CIMAP2: variants seen among roughly 807,000 people sequenced by gnomAD.
CIMAP2 encodes the protein ciliary microtubule-associated protein 2.
the CIMAP2 span, among the ~76,000 whole-genome samples, chr1:54,840,236 T>TGTAG: frequency 6.6e-6 from 1 of 152,246 alleles, no homozygotes; most frequent in African/African-American, 2.4e-5. Context: ...ATCATCTGTA[T>TGTAG]GTAGAATTTT....
At chr1:54,841,326 A>G in the CIMAP2 span, among the ~76,000 whole-genome samples, 1 of 152,212 alleles carries the variant, frequency 6.6e-6, no homozygotes, top group African/African-American at 2.4e-5. Context: ...GCCATCTTCC[A>G]AAGGGCTCAC....
the CIMAP2 span, among the ~76,000 whole-genome samples, chr1:54,837,466 C>T: frequency 2.6e-5 from 4 of 152,152 alleles, no homozygotes; most frequent in Non-Finnish European, 5.9e-5. Flanking sequence ...AAGCCTGTCT[C>T]ACAGGCCAGG....
chr1:54,829,396 AC>A, the CIMAP2 span, among the ~76,000 whole-genome samples: 1 of 152,164 alleles, frequency 6.6e-6, no homozygotes, highest in Non-Finnish European at 1.5e-5. Context: ...TGGGTGTCAG[AC>A]TGTTAGGCTG....
the CIMAP2 span, among the ~76,000 whole-genome samples, chr1:54,833,401 C>T: frequency 3.3e-5 from 5 of 152,170 alleles, no homozygotes; most frequent in Admixed American, 1.3e-4. Context: ...TCAACCAGTG[C>T]GCTGCCTTTG....
At chr1:54,814,870 T>G in the CIMAP2 span, 1 of 1,612,304 alleles carries the variant, frequency 6.2e-7, no homozygotes, top group South Asian at 1.1e-5. Context: ...AGGCTGACAC[T>G]GCCAGAGCCT....
At chr1:54,811,678 AC>A in the CIMAP2 span, 3 of 1,175,904 alleles carry the variant, frequency 2.6e-6, no homozygotes, top group Admixed American at 1.9e-5. Context: ...GCAAGCGGAC[AC>A]CCTGAAAATC....
At chr1:54,818,741 A>G in the CIMAP2 span, among the ~76,000 whole-genome samples, 1 of 144,870 alleles carries the variant, frequency 6.9e-6, no homozygotes, top group Non-Finnish European at 1.5e-5. Context: ...ACAAGCATGC[A>G]CCACCACACC....
the CIMAP2 span, among the ~76,000 whole-genome samples, chr1:54,816,091 T>A: frequency 6.6e-6 from 1 of 152,204 alleles, no homozygotes; most frequent in Non-Finnish European, 1.5e-5. Context: ...CAGAGCCAGA[T>A]GACCCTACTG....
At chr1:54,841,982 C>G in the CIMAP2 span, 1 of 1,161,362 alleles carries the variant, frequency 8.6e-7, no homozygotes, top group Non-Finnish European at 1.2e-6. Flanking sequence ...AGAAAGGACA[C>G]ATGGGCTTGG....
chr1:54,828,977 T>C, the CIMAP2 span, among the ~76,000 whole-genome samples: 1 of 152,166 alleles, frequency 6.6e-6, no homozygotes, highest in African/African-American at 2.4e-5. Context: ...ATAAATACAT[T>C]TTAAGATAGA....
chr1:54,822,828 C>T, the CIMAP2 span, among the ~76,000 whole-genome samples: 1 of 152,144 alleles, frequency 6.6e-6, no homozygotes, highest in Non-Finnish European at 1.5e-5. Context: ...TATTCCTTGA[C>T]CAAGTGGTCT....
the CIMAP2 span, chr1:54,817,052 C>A: frequency 1.2e-6 from 2 of 1,614,202 alleles, no homozygotes; most frequent in Non-Finnish European, 1.7e-6. Flanking sequence ...CAGGCGGCAG[C>A]GATATCGATC....
chr1:54,813,724 C>G, the CIMAP2 span: 1 of 1,387,426 alleles, frequency 7.2e-7, no homozygotes, highest in African/African-American at 1.5e-5. Context: ...AGTGATGCCC[C>G]ATTGCTTTTC....
the CIMAP2 span, among the ~76,000 whole-genome samples, chr1:54,839,010 A>G: frequency 0.75 from 113,781 of 152,154 alleles, 43,814 homozygotes; most frequent in Middle Eastern, 0.85. Flanking sequence ...ACAAGGAGCT[A>G]TGGAGGCCTG....
At chr1:54,837,667 C>T in the CIMAP2 span, among the ~76,000 whole-genome samples, 101 of 152,232 alleles carry the variant, frequency 6.6e-4, 1 homozygote, top group East Asian at 5.8e-3. Context: ...GTCTTTGGGA[C>T]GACCCCAAAA....
At chr1:54,821,850 T>C in the CIMAP2 span, among the ~76,000 whole-genome samples, 1 of 149,956 alleles carries the variant, frequency 6.7e-6, no homozygotes, top group Non-Finnish European at 1.5e-5. Context: ...GGACAATTTA[T>C]AACTTCCTCA....
the CIMAP2 span, chr1:54,811,763 C>CCGCGGGGGGGGGGG: frequency 1.6e-6 from 2 of 1,280,764 alleles, no homozygotes; most frequent in Non-Finnish European, 1.1e-6. Context: ...GTGGTTCTGA[C>CCGCGGGGGGGGGGG]AGCCTCCATG....
At chr1:54,821,818 A>T in the CIMAP2 span, among the ~76,000 whole-genome samples, 1 of 151,328 alleles carries the variant, frequency 6.6e-6, no homozygotes, top group South Asian at 2.1e-4. Context: ...TATCTATATA[A>T]GATCATGTTG....
chr1:54,807,447 T>C, the CIMAP2 span: 1 of 1,419,544 alleles, frequency 7.0e-7, no homozygotes, highest in Non-Finnish European at 9.3e-7. Context: ...CGGGTCAGGG[T>C]GGTGGCTTGG....
Sources: gnomAD v4.1 joint callset for allele counts (sites outside exome capture counted in the v4.1 genomes callset) on GRCh38, gnomAD v4.1.1 for gene constraint, MANE v1.5 for transcripts, NCBI Gene and HGNC (gene_info 2026-07-23, HGNC 2026-07-21) for gene names.